The following FAT3 variants were observed in gnomAD, a reference collection of about 807,000 sequenced individuals.
FAT3 encodes FAT atypical cadherin 3, also known as protocadherin Fat 3.
In FAT3, 95 loss-of-function variants were observed where a neutral mutation model predicts 310.2. The ratio of observed to expected loss-of-function variants is 0.31; its 90% CI spans 0.26 to 0.36. The LOEUF (loss-of-function observed/expected upper bound fraction) is 0.36. Ranked by LOEUF, FAT3 falls within the 10% of genes least tolerant of loss-of-function variation. The pLI is 1.00. For synonymous variants in FAT3, 2,314 were observed against 2,192.9 expected, an observed-to-expected ratio of 1.06 and a Z score of -1.54; for missense variants, 5,408 against 5,715.6, an observed-to-expected ratio of 0.95 and a Z score of 1.74.
intron 2 of FAT3, among the ~76,000 whole-genome samples, chr11:92,397,791 G>A (rs1034101820): frequency 3.3e-5 from 5 of 151,326 alleles, no homozygotes; most frequent in African/African-American, 1.2e-4. Context: ...CTGTCTTAAG[G>A]GGATTGCCCA....
At chr11:92,793,041 T>C (rs1947077014) in intron 9 of FAT3, 64 bp downstream of exon 9, 2 of 1,497,438 alleles carry the variant, frequency 1.3e-6, no homozygotes, top group Non-Finnish European at 1.8e-6. Context: ...CAGTAGTATT[T>C]ATCACCATGT....
intron 3 of FAT3, among the ~76,000 whole-genome samples, chr11:92,663,415 G>T (rs534965461): frequency 3.8e-4 from 58 of 152,258 alleles, no homozygotes; most frequent in African/African-American, 1.3e-3. Context: ...AATCAGACCT[G>T]CAGTTTAGGG....
intron 13 of FAT3, among the ~76,000 whole-genome samples, chr11:92,818,969 G>A (rs1947892105): frequency 6.6e-6 from 1 of 152,168 alleles, no homozygotes; most frequent in Admixed American, 6.5e-5. Flanking sequence ...TCATAATATG[G>A]CTAATAACAT....
chr11:92,881,505 G>A (rs1352265098), intron 23 of FAT3, among the ~76,000 whole-genome samples: 2 of 152,102 alleles, frequency 1.3e-5, no homozygotes, highest in Non-Finnish European at 2.9e-5. Flanking sequence ...ACTTTACCAG[G>A]AAATACTTAA....
intron 2 of FAT3, among the ~76,000 whole-genome samples, chr11:92,374,030 G>GGAGAGA (rs58680206): frequency 0.066 from 9,396 of 142,138 alleles, 507 homozygotes; most frequent in African/African-American, 0.14. Flanking sequence ...ACAGAGAGAG[G>GGAGAGA]GAGAGAGAGA....
intron 1 of FAT3, among the ~76,000 whole-genome samples, chr11:92,254,871 A>G (rs1865255964): frequency 2.6e-5 from 4 of 152,006 alleles, no homozygotes; most frequent in African/African-American, 2.4e-5. Flanking sequence ...ATGCCCAGCT[A>G]ATTTTTGTAT....
At chr11:92,754,258 G>A (rs146262335) in intron 4 of FAT3, among the ~76,000 whole-genome samples, 287 of 152,086 alleles carry the variant, frequency 1.9e-3, no homozygotes, top group African/African-American at 5.8e-3. Context: ...TGGAAACAAC[G>A]TAACTGTCCA....
At chr11:92,806,077 G>A (rs1251808843) in intron 11 of FAT3, among the ~76,000 whole-genome samples, 3 of 152,154 alleles carry the variant, frequency 2.0e-5, no homozygotes, top group African/African-American at 7.2e-5. Context: ...CCACAAGAGT[G>A]GGGATGTTCC....
In FAT3 at chr11:92,568,917, A is replaced by C. The variant is rs114971680; in HGVS notation, c.3607+43969A>C. ...ACCCTCTGGTCACTGTATTTTAATT[A>C]TCTTTACCTCTCTCTTCCCCTCACT... On this transcript the variant is annotated intron_variant, in intron 3 of 27. Transcript: ENST00000525166. 9.9e-4 allele frequency among the ~76,000 whole-genome samples: 150 copies of C among 152,226 alleles called. 2 individuals are homozygous for C. Among genetic ancestry groups the C allele is most frequent in the African/African-American group, 3.5e-3 (145 of 41,544 alleles).
intron 1 of FAT3, among the ~76,000 whole-genome samples, chr11:92,319,629 C>T (rs1420711389): frequency 6.6e-6 from 1 of 152,016 alleles, no homozygotes; most frequent in African/African-American, 2.4e-5. Context: ...TAGTTCCTAC[C>T]CTTAAGGAGA....
At chr11:92,333,898 C>G (rs967969478) in intron 1 of FAT3, among the ~76,000 whole-genome samples, 2 of 152,136 alleles carry the variant, frequency 1.3e-5, no homozygotes, top group East Asian at 1.9e-4. Context: ...CCCCTCCCCC[C>G]CAACAAAAGC....
chr11:92,854,599 G>A (rs1049796176), intron 19 of FAT3, among the ~76,000 whole-genome samples: 3 of 152,222 alleles, frequency 2.0e-5, no homozygotes, highest in Non-Finnish European at 4.4e-5. Flanking sequence ...GTACCCAAAC[G>A]CTAGATTTGT....
chr11:92,231,337 G>T (rs1292250120), intron 1 of FAT3, among the ~76,000 whole-genome samples: 1 of 152,120 alleles, frequency 6.6e-6, no homozygotes, highest in Non-Finnish European at 1.5e-5. Context: ...GTAAAAAATG[G>T]CTTACAAAGT....
intron 3 of FAT3, among the ~76,000 whole-genome samples, chr11:92,650,011 C>T (rs1450169437): frequency 2.6e-5 from 4 of 151,228 alleles, no homozygotes; most frequent in Admixed American, 2.0e-4. Flanking sequence ...GTGCTGGGTG[C>T]TAACCTTTGT....
rs561618579 is a variant in FAT3 at position 92,870,270 on chromosome 11, G to A, written c.12127+3061G>A. 7.2e-5 allele frequency among the ~76,000 whole-genome samples: 11 copies of A among 152,226 alleles called. No individual in the cohort carries two copies. In the East Asian group the frequency reaches 7.7e-4, roughly 11 times the overall value. On this transcript the variant is annotated intron_variant, in intron 22 of 27. Coordinates refer to ENST00000525166, the MANE Select transcript of FAT3 (RefSeq NM_001367949.2). Reference sequence around the variant, plus strand: ...CTCTAAGCCCAATCAAACCCTTGGCGTGAAAGTCAGGGAAGCCACAATTAC... The same window carrying A: ...CTCTAAGCCCAATCAAACCCTTGGCATGAAAGTCAGGGAAGCCACAATTAC...
chr11:92,285,662 T>C (rs1946544200), intron 1 of FAT3, among the ~76,000 whole-genome samples: 5 of 152,190 alleles, frequency 3.3e-5, no homozygotes, highest in Admixed American at 2.0e-4. Flanking sequence ...ATTCCCTTTA[T>C]GCTTAGGAAA....
At chr11:92,677,516 T>G (rs1943326366) in intron 3 of FAT3, among the ~76,000 whole-genome samples, 1 of 152,230 alleles carries the variant, frequency 6.6e-6, no homozygotes, top group Admixed American at 6.5e-5. Context: ...GCCAGCAGGA[T>G]TATCTTTTGT....
At chr11:92,434,256 A>G (rs565961863) in intron 2 of FAT3, among the ~76,000 whole-genome samples, 1 of 152,268 alleles carries the variant, frequency 6.6e-6, no homozygotes, top group African/African-American at 2.4e-5. Context: ...ACCCCTAGCA[A>G]GGAGGATGAA....
chr11:92,414,942 G>A (rs556623749), intron 2 of FAT3, among the ~76,000 whole-genome samples: 4 of 151,936 alleles, frequency 2.6e-5, no homozygotes, highest in East Asian at 3.9e-4. Context: ...CCCGGGAGGC[G>A]GAGCTTGCAG....
Sources: gnomAD v4.1 joint callset for allele counts (sites outside exome capture counted in the v4.1 genomes callset) on GRCh38, gnomAD v4.1.1 for gene constraint, MANE v1.5 for transcripts, NCBI Gene and HGNC (gene_info 2026-07-23, HGNC 2026-07-21) for gene names.